Variants in RAP1A observed in about 807,000 individuals in gnomAD.
The protein encoded by RAP1A is RAP1A, member of RAS oncogene family, also known as ras-related protein Rap-1A.
RAP1A carries 6 observed loss-of-function variants against 26.4 expected under a neutral mutation model. The ratio of observed to expected loss-of-function variants is 0.23; its 90% CI spans 0.12 to 0.45. The LOEUF is 0.45. Ranked by LOEUF, RAP1A falls within the 20% of genes least tolerant of loss-of-function variation. The pLI is 0.99. For synonymous variants in RAP1A, 73 were observed against 79.4 expected (o/e 0.92, Z 0.43); for missense variants, 121 against 217.2 (o/e 0.56, Z 2.78).
At chr1:111,555,189 G>T (rs569988419) in intron 1 of RAP1A, among the ~76,000 whole-genome samples, 1 of 151,394 alleles carries the variant, frequency 6.6e-6, no homozygotes, top group Admixed American at 6.6e-5. Flanking sequence ...AACGTGACAA[G>T]ACCCTGTCTC....
At chr1:111,701,326 T>A (rs939694382) in intron 4 of RAP1A, among the ~76,000 whole-genome samples, 1 of 152,154 alleles carries the variant, frequency 6.6e-6, no homozygotes, top group African/African-American at 2.4e-5. Flanking sequence ...CACATAACCA[T>A]AGAGCTTATT....
intron 1 of RAP1A, among the ~76,000 whole-genome samples, chr1:111,600,398 T>G (rs1219256658): frequency 6.6e-6 from 1 of 152,198 alleles, no homozygotes; most frequent in African/African-American, 2.4e-5. Flanking sequence ...TTCCCTTAAG[T>G]GTAAATGGAT....
chr1:111,636,508 A>G (rs1423913419), intron 1 of RAP1A, among the ~76,000 whole-genome samples: 4 of 134,586 alleles, frequency 3.0e-5, no homozygotes, highest in Non-Finnish European at 4.8e-5. Context: ...TTGGAGACGG[A>G]GTTTCGTTCT....
rs145989541 is a variant in RAP1A, at chr1:111,568,657, C to T, written c.-28+26148C>T. On this transcript the variant is annotated intron_variant, in intron 1 of 7. Coordinates refer to the RAP1A transcript ENST00000356415. ...TAATGCTGAAAGAGTTCTGGTAATA[C>T]ATTTGACCCCTAAACAACACAGGTT... Among the ~76,000 whole-genome samples, 269 of 152,282 alleles carry T rather than the reference C, an allele frequency of 1.8e-3. 1 individual carries two copies. Among genetic ancestry groups the T allele is most frequent in the Middle Eastern group, 6.8e-3 (2 of 294 alleles).
chr1:111,671,405 G>C (rs562803449), intron 1 of RAP1A, among the ~76,000 whole-genome samples: 1 of 152,152 alleles, frequency 6.6e-6, no homozygotes, highest in Admixed American at 6.5e-5. Context: ...TTTAAAACAA[G>C]AAAACACAAA....
At chr1:111,569,293 T>A (rs774209384) in intron 1 of RAP1A, among the ~76,000 whole-genome samples, 3 of 148,206 alleles carry the variant, frequency 2.0e-5, no homozygotes, top group Non-Finnish European at 3.0e-5. Context: ...CCCAGCTACC[T>A]GGGAAGCTGA....
At chr1:111,585,384 C>A (rs576589715) in intron 1 of RAP1A, among the ~76,000 whole-genome samples, 1 of 151,826 alleles carries the variant, frequency 6.6e-6, no homozygotes, top group Admixed American at 6.5e-5. Flanking sequence ...GCAGCAAGGC[C>A]GGTGATTAAG....
intron 1 of RAP1A, among the ~76,000 whole-genome samples, chr1:111,653,737 T>C (rs1302209711): frequency 1.4e-5 from 2 of 146,288 alleles, no homozygotes; most frequent in Non-Finnish European, 3.0e-5. Flanking sequence ...ATGAATTATA[T>C]GTCAACAAAA....
Position 111,691,340 on chromosome 1 carries a change from A to T in RAP1A, c.-21A>T, listed in dbSNP as rs1661658715. 2 of 1,603,696 alleles carry T rather than the reference A, an allele frequency of 1.2e-6. No homozygotes were observed. Among genetic ancestry groups the T allele is most frequent in the South Asian group, 2.2e-5 (2 of 89,598 alleles). Reference sequence around the variant, plus strand: ...TTTTTTGTTTGTTTTTCAGATCGTCAGTATTTAAACAGATCACATCATGCG... The same window carrying T: ...TTTTTTGTTTGTTTTTCAGATCGTCTGTATTTAAACAGATCACATCATGCG... On this transcript the variant is annotated 5_prime_UTR_variant, in exon 2 of 8. Transcript: ENST00000369709.
intron 1 of RAP1A, among the ~76,000 whole-genome samples, chr1:111,609,981 G>A (rs888019895): frequency 3.3e-5 from 5 of 152,040 alleles, no homozygotes; most frequent in African/African-American, 2.4e-5. Context: ...AGTTTATTCT[G>A]TAACCACCAG....
chr1:111,670,330 C>T (rs1047049482), intron 1 of RAP1A, among the ~76,000 whole-genome samples: 2 of 151,824 alleles, frequency 1.3e-5, no homozygotes, highest in African/African-American at 2.4e-5. Flanking sequence ...AAAAATTAGC[C>T]GGACGTGGTG....
chr1:111,639,610 A>G (rs1172616757), intron 1 of RAP1A, among the ~76,000 whole-genome samples: 1 of 151,942 alleles, frequency 6.6e-6, no homozygotes, highest in African/African-American at 2.4e-5. Flanking sequence ...GAGATTCTCA[A>G]ATGGTTTTAG....
intron 1 of RAP1A, among the ~76,000 whole-genome samples, chr1:111,609,953 C>G (rs1464292411): frequency 6.6e-6 from 1 of 152,158 alleles, no homozygotes; most frequent in East Asian, 1.9e-4. Context: ...GCCTGATTGA[C>G]TTTCAAAATT....
At chr1:111,664,385 AAAAAAAAAAAAAAC>A (rs1557883411) in intron 1 of RAP1A, among the ~76,000 whole-genome samples, 1 of 151,302 alleles carries the variant, frequency 6.6e-6, no homozygotes, top group Non-Finnish European at 1.5e-5. Context: ...AAAAAAAAAA[AAAAAAAAAAAAAAC>A]AAAAAACAAA....
At chr1:111,575,194 G>A (rs1658121387) in intron 1 of RAP1A, among the ~76,000 whole-genome samples, 1 of 151,832 alleles carries the variant, frequency 6.6e-6, no homozygotes. Context: ...TGTTGCCCAG[G>A]CTGGAGTGCA....
chr1:111,715,085 CT>C lies in RAP1A; in HGVS notation c.*2697del, dbSNP rs201958004. The C allele has an allele frequency of 1.5e-3, 220 of 146,658 alleles. No homozygotes were observed. The highest frequency in any genetic ancestry group is 3.5e-3 in the Middle Eastern group (1 of 286). 9.1% of individuals were successfully genotyped at this position (146,658 alleles called of 1,614,324 possible). A position where few individuals can be genotyped will look rare whatever the true frequency, so the allele number is the denominator to read the frequency against. On this transcript the variant is annotated 3_prime_UTR_variant, in exon 8 of 8. Transcript: ENST00000369709. Reference sequence around the variant, plus strand: ...GGGGGAGCTTCAACATCGGTTAATACTTTTTTTTTTTTTGAGATGGAGTCTC... The same window carrying C: ...GGGGGAGCTTCAACATCGGTTAATACTTTTTTTTTTTTGAGATGGAGTCTC...
At chr1:111,664,397 A>AAC (rs1406582687) in intron 1 of RAP1A, among the ~76,000 whole-genome samples, 2 of 143,302 alleles carry the variant, frequency 1.4e-5, no homozygotes, top group African/African-American at 5.1e-5. Flanking sequence ...AAAAAAAAAA[A>AAC]ACAAAAAACA....
chr1:111,691,258 A>G (rs201189793), intron 1 of RAP1A, 76 bp from the exon 2 acceptor site: 7 of 982,940 alleles, frequency 7.1e-6, no homozygotes, highest in East Asian at 5.4e-5. Context: ...ACAAACTCCT[A>G]TGTTTGATGC....
At chr1:111,685,761 A>G (rs1474066572) in intron 1 of RAP1A, among the ~76,000 whole-genome samples, 1 of 152,218 alleles carries the variant, frequency 6.6e-6, no homozygotes, top group Non-Finnish European at 1.5e-5. Context: ...TAACCCAGCA[A>G]TCCCATTACT....
Sources: gnomAD v4.1 joint callset for allele counts (sites outside exome capture counted in the v4.1 genomes callset) on GRCh38, gnomAD v4.1.1 for gene constraint, MANE v1.5 for transcripts, NCBI Gene and HGNC (gene_info 2026-07-23, HGNC 2026-07-21) for gene names.